The following DLG2 variants were observed in gnomAD, a reference collection of about 807,000 sequenced individuals.
DLG2 encodes disks large homolog 2.
A neutral mutation model predicts 132.5 loss-of-function variants in DLG2; 45 were observed. The ratio of observed to expected loss-of-function variants is 0.34; its 90% confidence interval spans 0.27 to 0.44. The LOEUF (loss-of-function observed/expected upper bound fraction) is 0.44, where lower values mean the gene tolerates loss of function less well. DLG2 is among the 20% of genes least tolerant of loss of function. DLG2 has a pLI of 1.00. For missense variants in DLG2, 1,045 were observed against 1,196.9 expected (o/e 0.87, Z 1.87); for synonymous variants, 424 against 419.6 (o/e 1.01, Z -0.13).
At chr11:85,312,791 A>C (rs1227520551) in intron 3 of DLG2, among the ~76,000 whole-genome samples, 1 of 152,048 alleles carries the variant, frequency 6.6e-6, no homozygotes, top group Non-Finnish European at 1.5e-5. Context: ...GTCCACTTCA[A>C]CTTGTTTTCC....
intron 8 of DLG2, among the ~76,000 whole-genome samples, chr11:84,192,458 C>T (rs1479065227): frequency 6.6e-5 from 10 of 152,290 alleles, no homozygotes; most frequent in East Asian, 3.9e-4. Context: ...AGGCTGGGCA[C>T]GGTGGCTCAC....
intron 6 of DLG2, among the ~76,000 whole-genome samples, chr11:85,045,776 A>C (rs979583860): frequency 6.6e-6 from 1 of 152,074 alleles, no homozygotes; most frequent in Non-Finnish European, 1.5e-5. Flanking sequence ...TGAGTTTTAC[A>C]GAAGGGAAGA....
At position 84,471,963 on chromosome 11, in the gene DLG2, GA is replaced by G. The variant is rs201934609; in HGVS notation, c.519+62606del. On this transcript the variant is annotated intron_variant, in intron 7 of 27. Coordinates refer to ENST00000376104, the MANE Select transcript of DLG2 (RefSeq NM_001142699.3). ...CATTAGAAACTGATTTAAAATTAAG[GA>G]AAAAAAAAGAAAGATAAAAGAGGTT... 5.6e-3 allele frequency among the ~76,000 whole-genome samples: 837 copies of G among 148,588 alleles called. 5 individuals carry two copies. The highest frequency in any genetic ancestry group is 0.019 in the African/African-American group (770 of 40,464).
chr11:85,120,670 C>T (rs949238415), intron 5 of DLG2, among the ~76,000 whole-genome samples: 2 of 151,688 alleles, frequency 1.3e-5, no homozygotes, highest in Non-Finnish European at 2.9e-5. Flanking sequence ...ATGAAGTATG[C>T]GAGAGGTAAG....
intron 4 of DLG2, among the ~76,000 whole-genome samples, chr11:85,200,223 C>T (rs1447872647): frequency 2.0e-5 from 3 of 152,144 alleles, no homozygotes; most frequent in African/African-American, 4.8e-5. Context: ...GCCCACTTGC[C>T]AAAGAGCTTA....
chr11:85,370,436 G>C (rs891318164), intron 3 of DLG2, among the ~76,000 whole-genome samples: 5 of 152,222 alleles, frequency 3.3e-5, no homozygotes, highest in African/African-American at 1.2e-4. Context: ...GGTTCTTCAT[G>C]TGAACGTATT....
chr11:83,546,674 C>T (rs2141823025), intron 19 of DLG2, among the ~76,000 whole-genome samples: 1 of 152,192 alleles, frequency 6.6e-6, no homozygotes, highest in South Asian at 2.1e-4. Context: ...GTGTCTCACT[C>T]AAAAGCTCAT....
At chr11:85,595,061 T>C (rs2079639737) in intron 3 of DLG2, among the ~76,000 whole-genome samples, 1 of 121,686 alleles carries the variant, frequency 8.2e-6, no homozygotes, top group Non-Finnish European at 1.6e-5. Flanking sequence ...TGAGACTCTG[T>C]CTCAAAAAAA....
intron 16 of DLG2, among the ~76,000 whole-genome samples, chr11:83,835,940 A>T (rs1201549753): frequency 6.6e-6 from 1 of 152,144 alleles, no homozygotes; most frequent in African/African-American, 2.4e-5. Flanking sequence ...ACATACACAC[A>T]CACCCCTATA....
At chr11:83,864,760 G>T (rs1843106894) in intron 16 of DLG2, among the ~76,000 whole-genome samples, 1 of 152,040 alleles carries the variant, frequency 6.6e-6, no homozygotes, top group African/African-American at 2.4e-5. Context: ...GAAGAAGGAA[G>T]TAAACAGAAA....
intron 3 of DLG2, among the ~76,000 whole-genome samples, chr11:85,354,597 G>A (rs2083546649): frequency 6.6e-6 from 1 of 151,462 alleles, no homozygotes; most frequent in Non-Finnish European, 1.5e-5. Context: ...CATCTGATTT[G>A]GATCTAATTT....
At chr11:83,679,068 G>A (rs1227916422) in intron 18 of DLG2, among the ~76,000 whole-genome samples, 1 of 152,164 alleles carries the variant, frequency 6.6e-6, no homozygotes, top group Non-Finnish European at 1.5e-5. Flanking sequence ...AAACTCTATT[G>A]CATACTTCCA....
intron 3 of DLG2, among the ~76,000 whole-genome samples, chr11:85,386,614 G>C (rs1365290050): frequency 6.6e-6 from 1 of 151,964 alleles, no homozygotes; most frequent in Non-Finnish European, 1.5e-5. Flanking sequence ...TATTAACATA[G>C]ATTATGTTAT....
At chr11:83,692,672 C>T (rs967269374) in intron 18 of DLG2, among the ~76,000 whole-genome samples, 4 of 152,164 alleles carry the variant, frequency 2.6e-5, no homozygotes, top group African/African-American at 9.7e-5. Flanking sequence ...AAGGGCTTAG[C>T]CAATGCCTGG....
intron 3 of DLG2, among the ~76,000 whole-genome samples, chr11:85,308,412 G>A (rs1311509242): frequency 6.6e-6 from 1 of 152,030 alleles, no homozygotes; most frequent in Non-Finnish European, 1.5e-5. Context: ...TTTGCCTTTT[G>A]GCTTCTGGTT....
chr11:85,286,000 C>A, intron 3 of DLG2: 9 of 329,262 alleles, frequency 2.7e-5, no homozygotes, highest in Non-Finnish European at 4.1e-5. Context: ...TCAGAGGATC[C>A]CAAGATGAAA....
intron 4 of DLG2, among the ~76,000 whole-genome samples, chr11:85,283,515 T>A (rs1047790813): frequency 6.7e-6 from 1 of 150,372 alleles, no homozygotes; most frequent in African/African-American, 2.4e-5. Context: ...CAGGATGGCA[T>A]GTTTCATAAA....
At chr11:83,717,949 C>T (rs746844434) in intron 18 of DLG2, among the ~76,000 whole-genome samples, 1 of 152,158 alleles carries the variant, frequency 6.6e-6, no homozygotes, top group South Asian at 2.1e-4. Context: ...CTTAGGGCTA[C>T]TGACTCAATA....
chr11:84,357,663 T>C (rs1291573161), intron 7 of DLG2, among the ~76,000 whole-genome samples: 1 of 151,988 alleles, frequency 6.6e-6, no homozygotes, highest in Admixed American at 6.6e-5. Context: ...ATAACATGAG[T>C]AAATTAAAAA....
Sources: allele counts gnomAD v4.1 joint callset (sites outside exome capture counted in the v4.1 genomes callset), GRCh38; gene constraint gnomAD v4.1.1; transcripts MANE v1.5; gene names NCBI Gene and HGNC (gene_info 2026-07-23, HGNC 2026-07-21).